LARGE1: variants seen among roughly 807,000 people sequenced by gnomAD.
LARGE1 encodes the protein LARGE xylosyl- and glucuronyltransferase 1, also known as xylosyl- and glucuronyltransferase LARGE1.
Under a neutral mutation model 87.6 loss-of-function variants are expected in LARGE1, and 43 were observed. That is an observed-to-expected ratio of 0.49 (90% confidence interval 0.38 to 0.63). The LOEUF is 0.63. LARGE1 is among the 30% of genes least tolerant of loss of function. LARGE1 has a pLI of 0.00. For missense variants in LARGE1, 802 were observed against 1,000.2 expected (o/e 0.80, Z 2.67); for synonymous variants, 434 against 394.6 (o/e 1.10, Z -1.18).
rs552822322 is a variant in LARGE1, at chr22:33,507,189, T to C, written c.787+57659A>G. On this transcript the variant is annotated intron_variant, in intron 6 of 14. Coordinates refer to ENST00000397394, the MANE Select transcript of LARGE1 (RefSeq NM_133642.5). The stretch of plus-strand genomic sequence containing the variant: ...GCTGATGACATGAACATCCCAGGCA[T>C]AGGGACCAGCTTTTGCAATGGCATA... Among the ~76,000 whole-genome samples, 26 of 152,126 alleles carry C rather than the reference T, an allele frequency of 1.7e-4. 2 individuals are homozygous for C. The highest frequency in any genetic ancestry group is 1.5e-3 in the Admixed American group (23 of 15,280).
At chr22:33,862,277 A>G (rs986523679) in intron 1 of LARGE1, among the ~76,000 whole-genome samples, 1 of 152,278 alleles carries the variant, frequency 6.6e-6, no homozygotes, top group Admixed American at 6.5e-5. Context: ...GCTGCCAAAG[A>G]TCCTGTAAGC....
intron 1 of LARGE1, among the ~76,000 whole-genome samples, chr22:33,858,024 C>T (rs2063804875): frequency 1.3e-5 from 2 of 152,080 alleles, no homozygotes; most frequent in Admixed American, 1.3e-4. Context: ...GGTTCTTGGC[C>T]TCACAGATTC....
At chr22:33,208,610 A>G (rs1343193955) in intron 11 of LARGE1, among the ~76,000 whole-genome samples, 1 of 151,984 alleles carries the variant, frequency 6.6e-6, no homozygotes, top group African/African-American at 2.4e-5. Flanking sequence ...TCTGGGGTAC[A>G]TGTGCAGAAT....
chr22:33,659,123 A>C (rs1240842762), intron 2 of LARGE1, among the ~76,000 whole-genome samples: 1 of 152,196 alleles, frequency 6.6e-6, no homozygotes, highest in Non-Finnish European at 1.5e-5. Flanking sequence ...CTTCTAGCCC[A>C]GCTGCCTGAC....
chr22:33,550,975 TTATAAA>T (rs2077507365), intron 6 of LARGE1, among the ~76,000 whole-genome samples: 1 of 152,142 alleles, frequency 6.6e-6, no homozygotes, highest in African/African-American at 2.4e-5. Flanking sequence ...ATGCTCTCAT[TTATAAA>T]TGGGAGCTAA....
intron 2 of LARGE1, chr22:33,727,467 CCT>C (rs2149464295): frequency 6.6e-6 from 1 of 152,202 alleles, no homozygotes; most frequent in East Asian, 1.9e-4. Context: ...TATCTAATGC[CCT>C]GTTTCTCTCA....
intron 6 of LARGE1, among the ~76,000 whole-genome samples, chr22:33,480,151 CAG>C (rs1353577720): frequency 3.3e-5 from 5 of 152,152 alleles, no homozygotes; most frequent in Admixed American, 3.3e-4. Flanking sequence ...AAACTGAACA[CAG>C]AGAGTGAATG....
chr22:33,381,481 T>C (rs534574389), intron 9 of LARGE1, among the ~76,000 whole-genome samples: 1 of 152,238 alleles, frequency 6.6e-6, no homozygotes, highest in Non-Finnish European at 1.5e-5. Context: ...TCATAGCACT[T>C]TGTCCTTTTT....
At chr22:33,676,587 C>T (rs1444341572) in intron 2 of LARGE1, among the ~76,000 whole-genome samples, 4 of 146,810 alleles carry the variant, frequency 2.7e-5, no homozygotes, top group African/African-American at 5.1e-5. Context: ...AAAACACCAC[C>T]AACAAAAAAA....
At chr22:33,546,588 T>G (rs4821162) in intron 6 of LARGE1, among the ~76,000 whole-genome samples, 1 of 151,944 alleles carries the variant, frequency 6.6e-6, no homozygotes, top group Non-Finnish European at 1.5e-5. Flanking sequence ...TTTTTTTAAA[T>G]TTTTTATTTT....
intron 2 of LARGE1, among the ~76,000 whole-genome samples, chr22:33,736,653 AT>A (rs1456978285): frequency 6.6e-6 from 1 of 152,066 alleles, no homozygotes; most frequent in East Asian, 1.9e-4. Flanking sequence ...CAATTTATCT[AT>A]TTTTTTCTTT....
At chr22:33,809,699 A>G (rs1189454563) in intron 1 of LARGE1, among the ~76,000 whole-genome samples, 1 of 151,506 alleles carries the variant, frequency 6.6e-6, no homozygotes, top group Non-Finnish European at 1.5e-5. Flanking sequence ...ATTTCCTCCA[A>G]TGTATGAAAA....
At chr22:33,495,897 G>A (rs944015614) in intron 6 of LARGE1, among the ~76,000 whole-genome samples, 1 of 152,110 alleles carries the variant, frequency 6.6e-6, no homozygotes, top group African/African-American at 2.4e-5. Context: ...TCAGTGTGGT[G>A]GTATTAGGAA....
intron 6 of LARGE1, among the ~76,000 whole-genome samples, chr22:33,477,787 T>A (rs1160996744): frequency 1.3e-5 from 2 of 152,156 alleles, no homozygotes; most frequent in African/African-American, 4.8e-5. Flanking sequence ...TCACCATCAG[T>A]CTTTCGATGT....
At chr22:33,298,278 G>C (rs879161147) in intron 12 of LARGE1, among the ~76,000 whole-genome samples, 3 of 152,198 alleles carry the variant, frequency 2.0e-5, no homozygotes, top group Admixed American at 2.0e-4. Context: ...GTAAACCTGA[G>C]GGCCAGAACT....
chr22:33,721,249 C>T lies in LARGE1; in HGVS notation c.106+40122G>A, dbSNP rs539504559. 1.6e-4 allele frequency among the ~76,000 whole-genome samples: 25 copies of T among 152,312 alleles called. No individual in the cohort carries two copies. In the South Asian group the frequency reaches 5.2e-3, roughly 32 times the overall value. ...TGCTAGTTCTACCCTGAAATCCTGG[C>T]TTTCCAGAGGTAGGACCCTGAACAA... On this transcript the variant is annotated intron_variant, in intron 2 of 14. Transcript: ENST00000397394.
chr22:33,602,383 A>G (rs1393241058), intron 5 of LARGE1, among the ~76,000 whole-genome samples: 1 of 151,992 alleles, frequency 6.6e-6, no homozygotes, highest in Non-Finnish European at 1.5e-5. Context: ...CATAATGCAT[A>G]CCACTACAAT....
chr22:33,079,162 A>C, the LARGE1 span, among the ~76,000 whole-genome samples: 3 of 151,714 alleles, frequency 2.0e-5, no homozygotes, highest in Non-Finnish European at 4.4e-5. Context: ...ATTAAGGTAC[A>C]TAAAGCGCTT....
At chr22:33,341,187 C>G (rs5998886) in intron 9 of LARGE1, among the ~76,000 whole-genome samples, 19,662 of 151,920 alleles carry the variant, frequency 0.13, 2,634 homozygotes, top group African/African-American at 0.35. Context: ...TTAGAAAAGA[C>G]ACCCCAAAGT....
Sources: allele counts gnomAD v4.1 joint callset (sites outside exome capture counted in the v4.1 genomes callset), GRCh38; gene constraint gnomAD v4.1.1; transcripts MANE v1.5; gene names NCBI Gene and HGNC (gene_info 2026-07-23, HGNC 2026-07-21).